UTY: variants seen among roughly 807,000 people sequenced by gnomAD.
UTY encodes the protein ubiquitously transcribed tetratricopeptide repeat containing, Y-linked, also known as histone demethylase UTY.
In UTY, 12 loss-of-function variants were observed where a neutral mutation model predicts 32.5. The ratio of observed to expected loss-of-function variants is 0.37; its 90% CI spans 0.24 to 0.60. The LOEUF (loss-of-function observed/expected upper bound fraction) is 0.60, where lower values mean the gene tolerates loss of function less well. UTY is among the 20% of genes least tolerant of loss of function. UTY has a pLI of 0.69. For synonymous variants in UTY, 131 were observed against 103.4 expected (o/e 1.27, Z -1.62); for missense variants, 303 against 299.2 (o/e 1.01, Z -0.09).
intron 8 of UTY, among the ~76,000 whole-genome samples, chrY:13,375,104 T>C: frequency 2.9e-5 from 1 of 34,243 alleles, no homozygotes; most frequent in Non-Finnish European, 7.3e-5. Context: ...CAGTATGTTA[T>C]AGTTTTTGAA....
intron 21 of UTY, among the ~76,000 whole-genome samples, chrY:13,319,911 T>A (rs764035839): frequency 3.0e-5 from 1 of 33,593 alleles, no homozygotes; most frequent in African/African-American, 1.2e-4. Context: ...TATTGAGTTA[T>A]CACTCTGGTT....
intron 8 of UTY, among the ~76,000 whole-genome samples, chrY:13,371,812 G>C: frequency 3.0e-5 from 1 of 33,232 alleles, no homozygotes; most frequent in South Asian, 6.7e-4. Flanking sequence ...TGGAGAAGTT[G>C]TAGGGGTATG....
chrY:13,343,793 C>T (rs2061675516), intron 17 of UTY, among the ~76,000 whole-genome samples: 1 of 33,178 alleles, frequency 3.0e-5, no homozygotes, highest in South Asian at 6.8e-4. Flanking sequence ...ACTAGAGCAT[C>T]GCTCGTGGCC....
chrY:13,360,022 T>C, intron 11 of UTY, 36 bp from the exon 12 acceptor site: 2 of 355,022 alleles, frequency 5.6e-6, no homozygotes, highest in Non-Finnish European at 8.0e-6. Flanking sequence ...AAACTACTGG[T>C]TACTTTCGTT....
chrY:13,238,140 T>C, intron 28 of UTY, among the ~76,000 whole-genome samples: 1 of 33,544 alleles, frequency 3.0e-5, no homozygotes, highest in Non-Finnish European at 7.4e-5. Flanking sequence ...CCAGCACATG[T>C]ACACACTATC....
chrY:13,291,557 G>A, intron 27 of UTY, among the ~76,000 whole-genome samples: 7 of 32,681 alleles, frequency 2.1e-4, no homozygotes, highest in Non-Finnish European at 3.7e-4. Context: ...TTTGGAGGGC[G>A]TGGAGAAGGG....
chrY:13,450,651 C>T (rs2076241251), intron 3 of UTY, among the ~76,000 whole-genome samples: 1 of 32,583 alleles, frequency 3.1e-5, no homozygotes, highest in Non-Finnish European at 7.5e-5. Flanking sequence ...AGTGAAACCC[C>T]ATCTCTACTA....
intron 15 of UTY, 23 bp from the exon 16 acceptor site, chrY:13,356,041 A>G: frequency 2.9e-6 from 1 of 341,891 alleles, no homozygotes; most frequent in Non-Finnish European, 4.1e-6. Context: ...AGATTAATAT[A>G]ATCAAAGTTT....
intron 4 of UTY, among the ~76,000 whole-genome samples, chrY:13,435,883 A>C (rs2074496691): frequency 3.0e-5 from 1 of 33,383 alleles, no homozygotes; most frequent in African/African-American, 1.2e-4. Context: ...AGTGAAAAGG[A>C]ATCACGGTAA....
intron 3 of UTY, among the ~76,000 whole-genome samples, chrY:13,459,342 C>G (rs932035634): frequency 3.1e-5 from 1 of 32,470 alleles, no homozygotes; most frequent in African/African-American, 1.2e-4. Context: ...TGTACTTAAG[C>G]TTACCTGTTA....
At chrY:13,269,611 A>AC (rs2056149705) in intron 27 of UTY, among the ~76,000 whole-genome samples, 4 of 32,382 alleles carry the variant, frequency 1.2e-4, no homozygotes, top group African/African-American at 5.1e-4. Flanking sequence ...ACAAAACAAA[A>AC]AAAAACTGCA....
chrY:13,441,503 G>C (rs901249258), intron 4 of UTY, among the ~76,000 whole-genome samples: 1 of 33,308 alleles, frequency 3.0e-5, no homozygotes, highest in Non-Finnish European at 7.4e-5. Context: ...GCTTTTAAAG[G>C]CTTCTATTAC....
At chrY:13,357,200 C>G in intron 15 of UTY, among the ~76,000 whole-genome samples, 1 of 32,593 alleles carries the variant, frequency 3.1e-5, no homozygotes, top group Admixed American at 2.8e-4. Flanking sequence ...ACCTGGGCAA[C>G]AAAAGTGAAA....
chrY:13,340,504 C>T, intron 17 of UTY, among the ~76,000 whole-genome samples: 1 of 33,017 alleles, frequency 3.0e-5, no homozygotes, highest in Non-Finnish European at 7.5e-5. Flanking sequence ...GAACCACAGT[C>T]CTTGCCTGAA....
chrY:13,327,752 T>A, intron 18 of UTY, among the ~76,000 whole-genome samples: 1 of 33,848 alleles, frequency 3.0e-5, no homozygotes, highest in Non-Finnish European at 7.3e-5. Flanking sequence ...ACCTAATTCA[T>A]AAACTCCTTA....
intron 2 of UTY, among the ~76,000 whole-genome samples, chrY:13,473,416 C>G (rs775550493): frequency 5.9e-5 from 2 of 33,695 alleles, no homozygotes; most frequent in African/African-American, 2.3e-4. Context: ...AAAGAACTAA[C>G]TGACGATAGA....
chrY:13,282,093 T>C, intron 27 of UTY, among the ~76,000 whole-genome samples: 1 of 33,263 alleles, frequency 3.0e-5, no homozygotes, highest in Non-Finnish European at 7.4e-5. Flanking sequence ...GGAATAAAAC[T>C]AGACATCAGT....
chrY:13,235,077 C>T, intron 28 of UTY, among the ~76,000 whole-genome samples: 1 of 34,280 alleles, frequency 2.9e-5, no homozygotes, highest in African/African-American at 1.1e-4. Flanking sequence ...GCCCAAAGTT[C>T]AGAGTGGGCC....
intron 4 of UTY, among the ~76,000 whole-genome samples, chrY:13,422,604 T>C (rs760793372): frequency 3.0e-5 from 1 of 33,608 alleles, no homozygotes; most frequent in Non-Finnish European, 7.4e-5. Context: ...TGTATATCAA[T>C]TAAGAAAGAT....
Sources: gnomAD v4.1 joint callset for allele counts (sites outside exome capture counted in the v4.1 genomes callset) on GRCh38, gnomAD v4.1.1 for gene constraint, MANE v1.5 for transcripts, NCBI Gene and HGNC (gene_info 2026-07-23, HGNC 2026-07-21) for gene names.